The following RUBCN variants were observed in gnomAD, a reference collection of about 807,000 sequenced individuals.
The protein encoded by RUBCN is rubicon autophagy regulator, also known as run domain Beclin-1-interacting and cysteine-rich domain-containing protein.
In RUBCN, 74 loss-of-function variants were observed where a neutral mutation model predicts 113.2. The observed-to-expected ratio is 0.65, with a 90% confidence interval of 0.54 to 0.79. RUBCN has a LOEUF of 0.79. RUBCN is among the 30% of genes least tolerant of loss of function. RUBCN has a pLI of 0.00. For missense variants in RUBCN, 1,109 were observed against 1,251.7 expected (o/e 0.89, Z 1.72); for synonymous variants, 480 against 490.0 (o/e 0.98, Z 0.27).
upstream of RUBCN, among the ~76,000 whole-genome samples, chr3:197,737,708 T>C (rs1048599867): frequency 2.0e-5 from 3 of 152,034 alleles, no homozygotes; most frequent in Admixed American, 6.6e-5. Context: ...TCGAATCTGA[T>C]GAGAAAGCCA....
intron 1 of RUBCN, among the ~76,000 whole-genome samples, chr3:197,733,740 GTGAC>G (rs1283282815): frequency 1.3e-5 from 2 of 152,176 alleles, no homozygotes; most frequent in Admixed American, 6.6e-5. Flanking sequence ...AATGACGGGA[GTGAC>G]TTTGTGAGGA....
At chr3:197,726,343 T>A (rs1389760101) in intron 1 of RUBCN, among the ~76,000 whole-genome samples, 2 of 151,716 alleles carry the variant, frequency 1.3e-5, no homozygotes, top group East Asian at 3.9e-4. Flanking sequence ...GCCTCCTGGG[T>A]TCACACCATT....
At chr3:197,676,182 CTCTTCA>C in intron 18 of RUBCN, 1 of 990,256 alleles carries the variant, frequency 1.0e-6, no homozygotes, top group East Asian at 1.1e-4. Context: ...GTAAATTATT[CTCTTCA>C]TCTTAGAGCC....
rs533376969 is a variant in RUBCN at position 197,675,848 on chromosome 3, A to G, written c.2647-333T>C. On this transcript the variant is annotated intron_variant, in intron 18 of 19. Transcript: ENST00000296343. The surrounding 1 kb of genome is among the most constrained non-coding windows in gnomAD (Gnocchi z 4.4). Reference sequence around the variant, plus strand: ...GTCATGATTTTATTTCAGAATAGGAACCACAAGCAATTAAGATAAAATGTG... The same window carrying G: ...GTCATGATTTTATTTCAGAATAGGAGCCACAAGCAATTAAGATAAAATGTG... Among the ~76,000 whole-genome samples, 1 of 152,334 alleles carries G rather than the reference A, an allele frequency of 6.6e-6. No homozygotes were observed. Among genetic ancestry groups the G allele is most frequent in the East Asian group, 1.9e-4 (1 of 5,182 alleles).
chr3:197,684,077 C>T, intron 12 of RUBCN, 80 bp downstream of exon 12: 1 of 1,136,666 alleles, frequency 8.8e-7, no homozygotes, highest in Non-Finnish European at 1.3e-6. Flanking sequence ...CTTTGCCCAG[C>T]CATACACCAA....
chr3:197,684,250 T>A, intron 11 of RUBCN, 33 bp from the exon 12 acceptor site: 2 of 1,578,226 alleles, frequency 1.3e-6, no homozygotes, highest in Non-Finnish European at 1.7e-6. Context: ...GGGAGCGCAA[T>A]GGAAACGGGG....
chr3:197,730,634 C>A (rs1300702229), intron 1 of RUBCN, among the ~76,000 whole-genome samples: 1 of 149,556 alleles, frequency 6.7e-6, no homozygotes, highest in Non-Finnish European at 1.5e-5. Flanking sequence ...GGATGCTGTG[C>A]CAAGGCCCGG....
rs1246005070 is a variant in RUBCN, at chr3:197,700,690, A to G, written c.1184T>C (p.Leu395Pro). The G allele has an allele frequency of 2.5e-6, 4 of 1,614,156 alleles. No homozygotes were observed. In the East Asian group the frequency reaches 8.9e-5, roughly 36 times the overall value. ...RRSSFSEGQT[L>P]TVTSGAKKSH... Reference sequence around the variant, plus strand: ...TTTCTTTGCCCCACTGGTGACAGTGAGTGTCTGCCCCTCTGAGAAGCTGGA... The same window carrying G: ...TTTCTTTGCCCCACTGGTGACAGTGGGTGTCTGCCCCTCTGAGAAGCTGGA... The change falls in exon 7 of 20, where the codon CTC becomes CCC. Residue 395 changes from leucine to proline, a missense_variant. This residue lies in a region of RUBCN where 736 missense variants were observed against 779.6 expected (regional missense o/e 0.94). Coordinates refer to ENST00000296343, the MANE Select transcript of RUBCN (RefSeq NM_014687.4).
rs751015339 is a variant in RUBCN at position 197,677,007 on chromosome 3, G to A, written c.2524C>T (p.His842Tyr). The change falls in exon 18 of 20, where the codon CAC becomes TAC. Residue 842 changes from histidine to tyrosine, a missense_variant. By Grantham distance (83) the His-to-Tyr change is moderately conservative. Transcript: ENST00000296343. ...TACAGGTGGAGGTCCTCTGTCAGGTGGCCTGGGACTGTGTCAAAGGAATCC... is the reference window on the plus strand; with the variant it reads ...TACAGGTGGAGGTCCTCTGTCAGGTAGCCTGGGACTGTGTCAAAGGAATCC... ...LLDSFDTVPG[H>Y]LTEDLHLYSL... 11 of 1,613,938 alleles carry A rather than the reference G, an allele frequency of 6.8e-6. No homozygotes were observed. The South Asian group carries it at 1.1e-4, about 16-fold the overall frequency.
At chr3:197,697,594 C>T (rs1209352175) in intron 7 of RUBCN, among the ~76,000 whole-genome samples, 4 of 152,132 alleles carry the variant, frequency 2.6e-5, no homozygotes, top group Non-Finnish European at 4.4e-5. Context: ...GGCTCCGTTA[C>T]GGGGCTCGGC....
intron 1 of RUBCN, among the ~76,000 whole-genome samples, chr3:197,743,711 C>T (rs1251104221): frequency 2.6e-5 from 4 of 152,148 alleles, no homozygotes; most frequent in African/African-American, 7.2e-5. Flanking sequence ...ATTGGCCAGG[C>T]GCGGTGGCTC....
chr3:197,680,498 C>T (rs547785594), intron 16 of RUBCN, among the ~76,000 whole-genome samples: 175 of 145,808 alleles, frequency 1.2e-3, no homozygotes, highest in African/African-American at 4.1e-3. Context: ...CGCTCTAACT[C>T]GACAAGTGGC....
At chr3:197,723,240 CATG>C (rs1726361615) in intron 1 of RUBCN, among the ~76,000 whole-genome samples, 1 of 152,150 alleles carries the variant, frequency 6.6e-6, no homozygotes, top group Non-Finnish European at 1.5e-5. Flanking sequence ...ACTGCAGTAG[CATG>C]ATCTCAGCTC....
At chr3:197,734,122 T>G (rs1039298406) in intron 1 of RUBCN, among the ~76,000 whole-genome samples, 5 of 151,564 alleles carry the variant, frequency 3.3e-5, no homozygotes, top group Non-Finnish European at 7.4e-5. Flanking sequence ...CTGGGCGTGG[T>G]GGCGGGCACC....
chr3:197,701,172 G>A (rs1397871312), intron 6 of RUBCN, 26 bp from the exon 7 acceptor site: 4 of 1,500,974 alleles, frequency 2.7e-6, no homozygotes, highest in African/African-American at 1.4e-5. Context: ...AAATGGTAAG[G>A]GGAGCAAGGG....
Position 197,673,122 on chromosome 3 carries a change from G to A in RUBCN, c.*1896C>T, listed in dbSNP as rs965029339. On this transcript the variant is annotated 3_prime_UTR_variant, in exon 20 of 20. Transcript: ENST00000296343. ...TTCTTAAAGCTCCCTGAAGGACCTG[G>A]GCACTTCTAGTCACAGCCCTTCAGA... The A allele has an allele frequency of 6.6e-6, 1 of 152,194 alleles. No homozygotes were observed. Among genetic ancestry groups the A allele is most frequent in the African/African-American group, 2.4e-5 (1 of 41,432 alleles). The allele number at this position is 152,194 out of a possible 1,614,324, so 9.4% of individuals were successfully genotyped here. A position where few individuals can be genotyped will look rare whatever the true frequency, so the allele number is the denominator to read the frequency against.
At chr3:197,733,655 G>A (rs1238642352) in intron 1 of RUBCN, among the ~76,000 whole-genome samples, 2 of 152,132 alleles carry the variant, frequency 1.3e-5, no homozygotes, top group Non-Finnish European at 1.5e-5. Context: ...GAGCTAAGGA[G>A]GCCATCAGTA....
chr3:197,712,628 A>G (rs907694267), intron 2 of RUBCN, among the ~76,000 whole-genome samples: 4 of 152,180 alleles, frequency 2.6e-5, no homozygotes, highest in African/African-American at 9.7e-5. Flanking sequence ...TTCCCACTAG[A>G]GCCTGCAGTT....
At position 197,683,153 on chromosome 3, in the gene RUBCN, G is replaced by A. The variant is rs573437812; in HGVS notation, c.1980+154C>T. Among the ~76,000 whole-genome samples the A allele has an allele frequency of 1.3e-3, 194 of 152,340 alleles. No individual in the cohort carries two copies. The highest frequency in any genetic ancestry group is 2.4e-3 in the Non-Finnish European group (160 of 68,026). On this transcript the variant is annotated intron_variant, in intron 13 of 19. Transcript: ENST00000296343. The surrounding 1 kb of genome is among the most constrained non-coding windows in gnomAD (Gnocchi z 4.6). ...TGACAAGGTGAGCAAGCATTCACTC[G>A]TTCATTTATCACTTGACACATTGTA...
Sources: allele counts gnomAD v4.1 joint callset (sites outside exome capture counted in the v4.1 genomes callset), GRCh38; gene constraint gnomAD v4.1.1; regional missense constraint gnomAD v4.1.1; non-coding constraint Gnocchi (gnomAD v3.1); transcripts MANE v1.5; gene names NCBI Gene and HGNC (gene_info 2026-07-23, HGNC 2026-07-21).